Variants in NAALADL2 observed in about 807,000 individuals in gnomAD.
NAALADL2 encodes the protein N-acetylated alpha-linked acidic dipeptidase like 2.
NAALADL2 carries 76 observed loss-of-function variants against 87.2 expected under a neutral mutation model. The ratio of observed to expected loss-of-function variants is 0.87; its 90% CI spans 0.72 to 1.05. The LOEUF (loss-of-function observed/expected upper bound fraction) is 1.05, where lower values mean the gene tolerates loss of function less well. Among genes scored for constraint, NAALADL2 ranks in the 50% least tolerant of loss-of-function variants. The probability of loss-of-function intolerance (pLI) is 0.00; values close to 1 mark genes in which losing one functional copy is unlikely to be tolerated. For synonymous variants in NAALADL2, 354 were observed against 331.0 expected, an observed-to-expected ratio of 1.07 and a Z score of -0.75; for missense variants, 1,089 against 945.8, an observed-to-expected ratio of 1.15 and a Z score of -1.99.
At chr3:175,688,088 C>T (rs1188204771) in intron 11 of NAALADL2, among the ~76,000 whole-genome samples, 1 of 151,994 alleles carries the variant, frequency 6.6e-6, no homozygotes, top group Non-Finnish European at 1.5e-5. Flanking sequence ...AATTAATATT[C>T]TGTTTGTTAC....
chr3:174,775,331 A>C (rs879771077), intron 3 of NAALADL2, among the ~76,000 whole-genome samples: 2 of 151,986 alleles, frequency 1.3e-5, no homozygotes. Flanking sequence ...CAAACCACTA[A>C]TCTACTTTCT....
At chr3:175,334,011 C>T (rs1437758677) in intron 5 of NAALADL2, among the ~76,000 whole-genome samples, 1 of 152,126 alleles carries the variant, frequency 6.6e-6, no homozygotes, top group Non-Finnish European at 1.5e-5. Flanking sequence ...ATTTTGACAT[C>T]TTTGTATGTT....
intron 5 of NAALADL2, among the ~76,000 whole-genome samples, chr3:175,409,842 C>T (rs555291745): frequency 6.6e-6 from 1 of 151,786 alleles, no homozygotes; most frequent in Non-Finnish European, 1.5e-5. Context: ...GTTAATATAA[C>T]CTTTATCAGG....
At chr3:175,154,794 T>C (rs1215888363) in intron 2 of NAALADL2, among the ~76,000 whole-genome samples, 13 of 152,162 alleles carry the variant, frequency 8.5e-5, no homozygotes, top group South Asian at 2.1e-4. Flanking sequence ...AAACAAAATA[T>C]AGCAGAGGGA....
chr3:175,312,770 A>G (rs1397007673), intron 4 of NAALADL2, among the ~76,000 whole-genome samples: 2 of 152,202 alleles, frequency 1.3e-5, no homozygotes, highest in East Asian at 3.9e-4. Flanking sequence ...CTTATATCAA[A>G]TGATCTGAGT....
chr3:175,143,130 G>T (rs1049061513), intron 2 of NAALADL2, among the ~76,000 whole-genome samples: 1 of 151,844 alleles, frequency 6.6e-6, no homozygotes, highest in Admixed American at 6.6e-5. Context: ...TTCACAAATC[G>T]TAATACTTGC....
At chr3:174,650,426 A>G (rs1724237444) in intron 2 of NAALADL2, among the ~76,000 whole-genome samples, 1 of 152,110 alleles carries the variant, frequency 6.6e-6, no homozygotes, top group Non-Finnish European at 1.5e-5. Context: ...TTAAGATGTT[A>G]TTGAAGGTAG....
rs551735684 is a variant in NAALADL2 at position 175,389,114 on chromosome 3, G to A, written c.1091-58115G>A. On this transcript the variant is annotated intron_variant, in intron 5 of 13. Transcript: ENST00000454872. ...TAATTAAAGATACTGTTGACCATAA[G>A]CTAATTAGAGTAAGCAACATTTTAA... Among the ~76,000 whole-genome samples, 10 of 152,054 alleles carry A rather than the reference G, an allele frequency of 6.6e-5. No homozygotes were observed. The East Asian group carries it at 1.9e-3, about 29-fold the overall frequency.
intron 9 of NAALADL2, among the ~76,000 whole-genome samples, chr3:175,477,568 T>G (rs1038910996): frequency 7.2e-5 from 11 of 152,142 alleles, no homozygotes; most frequent in African/African-American, 2.7e-4. Context: ...TTCCTTTGTC[T>G]TCTATTTTTG....
chr3:174,569,778 C>T, intron 2 of NAALADL2, among the ~76,000 whole-genome samples: 1 of 152,130 alleles, frequency 6.6e-6, no homozygotes, highest in South Asian at 2.1e-4. Context: ...TTTAAGTATT[C>T]AAGGATGTCT....
At chr3:175,327,388 C>A in intron 5 of NAALADL2, among the ~76,000 whole-genome samples, 1 of 152,120 alleles carries the variant, frequency 6.6e-6, no homozygotes, top group East Asian at 1.9e-4. Flanking sequence ...ATCTCTTGAC[C>A]TCGTGATCCG....
At chr3:175,071,131 G>A (rs1242470541) in intron 1 of NAALADL2, among the ~76,000 whole-genome samples, 2 of 151,898 alleles carry the variant, frequency 1.3e-5, no homozygotes, top group African/African-American at 4.8e-5. Context: ...GCAGGGGCAA[G>A]CACAAACACT....
At position 175,342,714 on chromosome 3, in the gene NAALADL2, C is replaced by A. The variant is rs578028176; in HGVS notation, c.1090+18389C>A. 5.9e-5 allele frequency among the ~76,000 whole-genome samples: 9 copies of A among 152,124 alleles called. 1 individual carries two copies. The highest frequency in any genetic ancestry group is 1.9e-4 in the African/African-American group (8 of 41,532). On this transcript the variant is annotated intron_variant, in intron 5 of 13. Transcript: ENST00000454872. ...ATAGCAATAAATCAAAAGAAAAATG[C>A]TTTCCATTATTTTTATTACTACCTT...
intron 1 of NAALADL2, among the ~76,000 whole-genome samples, chr3:174,882,808 T>C (rs1729549440): frequency 9.6e-6 from 1 of 103,886 alleles, no homozygotes; most frequent in African/African-American, 5.2e-5. Flanking sequence ...CGTGTGTATA[T>C]GTGCATATGT....
intron 2 of NAALADL2, among the ~76,000 whole-genome samples, chr3:175,179,209 CAT>C (rs1479119084): frequency 6.6e-6 from 1 of 152,010 alleles, no homozygotes; most frequent in Non-Finnish European, 1.5e-5. Flanking sequence ...TTAATTTGCA[CAT>C]GAGTTACTGC....
At chr3:174,945,247 A>G (rs13085630) in intron 1 of NAALADL2, among the ~76,000 whole-genome samples, 4 of 152,196 alleles carry the variant, frequency 2.6e-5, no homozygotes, top group Admixed American at 2.6e-4. Flanking sequence ...TTTAATCCTT[A>G]TAACTATTGT....
intron 5 of NAALADL2, among the ~76,000 whole-genome samples, chr3:175,446,489 G>A (rs543139239): frequency 3.3e-5 from 5 of 152,110 alleles, no homozygotes; most frequent in African/African-American, 4.8e-5. Context: ...TGATCCTCCC[G>A]CCTTGGCCTC....
intron 2 of NAALADL2, among the ~76,000 whole-genome samples, chr3:175,132,131 G>A (rs1183609166): frequency 7.6e-6 from 1 of 132,190 alleles, no homozygotes; most frequent in African/African-American, 3.0e-5. Context: ...TGGCCGGGCG[G>A]GGGGCTGACC....
At chr3:175,023,956 A>G (rs1039933524) in intron 1 of NAALADL2, among the ~76,000 whole-genome samples, 15 of 152,084 alleles carry the variant, frequency 9.9e-5, no homozygotes, top group African/African-American at 3.6e-4. Flanking sequence ...TTTTGAGATT[A>G]TACAATTCTG....
Sources: allele counts gnomAD v4.1 joint callset (sites outside exome capture counted in the v4.1 genomes callset), GRCh38; gene constraint gnomAD v4.1.1; transcripts MANE v1.5; gene names NCBI Gene and HGNC (gene_info 2026-07-23, HGNC 2026-07-21).